The following TMEM184B variants were observed in gnomAD, a reference collection of about 807,000 sequenced individuals.
TMEM184B encodes putative MAPK-activating protein FM08.
TMEM184B carries 17 observed loss-of-function variants against 41.8 expected under a neutral mutation model. The ratio of observed to expected loss-of-function variants is 0.41; its 90% CI spans 0.28 to 0.61. TMEM184B has a LOEUF of 0.61. Ranked by LOEUF, TMEM184B falls within the 20% of genes least tolerant of loss-of-function variation. The probability of loss-of-function intolerance (pLI) is 0.34; values close to 1 mark genes in which losing one functional copy is unlikely to be tolerated. For synonymous variants in TMEM184B, 240 were observed against 229.5 expected, an observed-to-expected ratio of 1.05 and a Z score of -0.41; for missense variants, 393 against 557.8, an observed-to-expected ratio of 0.70 and a Z score of 2.98.
chr22:38,256,418 T>G lies in TMEM184B; in HGVS notation c.-58-8399A>C, dbSNP rs575194509. 4.5e-4 allele frequency among the ~76,000 whole-genome samples: 68 copies of G among 151,994 alleles called. 1 individual carries two copies. The highest frequency in any genetic ancestry group is 2.8e-3 in the Admixed American group (43 of 15,244). The stretch of plus-strand genomic sequence containing the variant: ...TAGTAGAGACAGGTTTTCACCTTAT[T>G]GGCCAGGCTGGTCTCTTGGACAGGG... On this transcript the variant is annotated intron_variant, in intron 1 of 8. Coordinates refer to ENST00000361906, the MANE Select transcript of TMEM184B (RefSeq NM_012264.5).
At position 38,247,741 on chromosome 22, in the gene TMEM184B, T is replaced by G. The variant is rs776544611; in HGVS notation, c.192+29A>C. On this transcript the variant is annotated intron_variant, in intron 2 of 8. Coordinates refer to ENST00000361906, the MANE Select transcript of TMEM184B (RefSeq NM_012264.5). ...TCAGCCAGGAACCTTTCTGGACCTT[T>G]CTAGAGGCCCCTTGCCAGGCTTGGG... The G allele has an allele frequency of 2.9e-5, 47 of 1,596,270 alleles. No individual in the cohort carries two copies. The East Asian group carries it at 8.7e-4, about 30-fold the overall frequency.
At chr22:38,219,175 G>T, downstream of TMEM184B, 1 of 818,938 alleles carries the variant, frequency 1.2e-6, no homozygotes. Flanking sequence ...ATCACTGAAA[G>T]GTTACACACA....
intron 3 of TMEM184B, among the ~76,000 whole-genome samples, chr22:38,243,309 GGAGT>G (rs1159031931): frequency 6.6e-6 from 1 of 152,200 alleles, no homozygotes; most frequent in African/African-American, 2.4e-5. Flanking sequence ...TCTGGGGCAC[GGAGT>G]GAGAGTGAAG....
At chr22:38,230,434 G>A (rs944001385) in intron 5 of TMEM184B, among the ~76,000 whole-genome samples, 1 of 152,220 alleles carries the variant, frequency 6.6e-6, no homozygotes, top group Non-Finnish European at 1.5e-5. Context: ...GCAAGAGTCT[G>A]GGATCAGCTC....
intron 1 of TMEM184B, among the ~76,000 whole-genome samples, chr22:38,267,377 T>A (rs2092458440): frequency 6.6e-6 from 1 of 151,488 alleles, no homozygotes; most frequent in Admixed American, 6.6e-5. Context: ...CTCAAGGCTG[T>A]TTAGTGAGCA....
chr22:38,235,839 G>A (rs1335860896), intron 3 of TMEM184B, among the ~76,000 whole-genome samples: 1 of 152,236 alleles, frequency 6.6e-6, no homozygotes, highest in Non-Finnish European at 1.5e-5. Flanking sequence ...GATGTAAGAA[G>A]AGCGGAGAAG....
intron 1 of TMEM184B, among the ~76,000 whole-genome samples, chr22:38,257,169 A>G (rs940657569): frequency 6.6e-6 from 1 of 152,050 alleles, no homozygotes; most frequent in African/African-American, 2.4e-5. Context: ...TAAAAAGAAA[A>G]AAAAAATCCT....
intron 1 of TMEM184B, among the ~76,000 whole-genome samples, chr22:38,266,278 A>C (rs135718): frequency 0.58 from 87,818 of 152,152 alleles, 25,440 homozygotes; most frequent in South Asian, 0.66. Flanking sequence ...TTTCTCCTTC[A>C]GTCTTCATGG....
chr22:38,227,734 G>GT (rs1345428853), intron 5 of TMEM184B, among the ~76,000 whole-genome samples: 1 of 152,098 alleles, frequency 6.6e-6, no homozygotes, highest in Non-Finnish European at 1.5e-5. Context: ...ACACCACAGG[G>GT]CCACTGCTGC....
In TMEM184B at chr22:38,222,524, G is replaced by T. The variant is rs866962722; in HGVS notation, c.983-814C>A. On this transcript the variant is annotated intron_variant, in intron 8 of 8. Transcript: ENST00000361906. ...CAGGTGCTCTGGGCGCTCCCACCCA[G>T]GGGGTGCCGGTGGGGAGGAGATGAG... is the stretch of plus-strand genomic sequence containing the variant. 1.7e-5 allele frequency: 16 copies of T among 924,446 alleles called. No homozygotes were observed. In the African/African-American group the frequency reaches 2.9e-4, roughly 17 times the overall value. 57.3% of individuals were successfully genotyped at this position (924,446 alleles called of 1,614,324 possible). A position where few individuals can be genotyped will look rare whatever the true frequency, so the allele number is the denominator to read the frequency against.
chr22:38,216,908 T>C (rs186198953), downstream of TMEM184B, among the ~76,000 whole-genome samples: 2 of 152,138 alleles, frequency 1.3e-5, no homozygotes, highest in East Asian at 3.9e-4. Flanking sequence ...TAGCCACATG[T>C]GGTGGTACAC....
chr22:38,253,338 G>A, intron 1 of TMEM184B, among the ~76,000 whole-genome samples: 1 of 152,182 alleles, frequency 6.6e-6, no homozygotes, highest in East Asian at 1.9e-4. Flanking sequence ...GGGAGGCCAA[G>A]GTGGGTGGAT....
chr22:38,225,391 T>G lies in TMEM184B; in HGVS notation c.787+33A>C. ...AGGAAGCGCAGAGGACAGGGTGGCA[T>G]GGGCAGCCTCCAGGTGCTGGGAGGG... On this transcript the variant is annotated intron_variant, in intron 7 of 8. Transcript: ENST00000361906. The surrounding 1 kb of genome is among the most constrained non-coding windows in gnomAD (Gnocchi z 4.4). 1 of 1,530,778 alleles carries G rather than the reference T, an allele frequency of 6.5e-7. No individual in the cohort carries two copies. The highest frequency in any genetic ancestry group is 8.8e-7 in the Non-Finnish European group (1 of 1,142,456). The allele number at this position is 1,530,778 out of a possible 1,614,324, so 94.8% of individuals were successfully genotyped here.
At chr22:38,240,347 G>A (rs184843336) in intron 3 of TMEM184B, among the ~76,000 whole-genome samples, 4 of 151,444 alleles carry the variant, frequency 2.6e-5, no homozygotes, top group African/African-American at 4.9e-5. Flanking sequence ...CATGATAAAG[G>A]AACTAAAACA....
At chr22:38,258,226 GA>G (rs1439300026) in intron 1 of TMEM184B, among the ~76,000 whole-genome samples, 6 of 152,078 alleles carry the variant, frequency 3.9e-5, no homozygotes, top group Admixed American at 1.3e-4. Flanking sequence ...TTCTTAGGGA[GA>G]AAAGTCCAGG....
At chr22:38,249,718 T>G (rs2092120487) in intron 1 of TMEM184B, among the ~76,000 whole-genome samples, 1 of 152,154 alleles carries the variant, frequency 6.6e-6, no homozygotes, top group African/African-American at 2.4e-5. Context: ...GGCAGTCGAT[T>G]TATGGGATTT....
At chr22:38,235,612 G>A (rs1400994344) in intron 3 of TMEM184B, among the ~76,000 whole-genome samples, 1 of 152,098 alleles carries the variant, frequency 6.6e-6, no homozygotes, top group African/African-American at 2.4e-5. Flanking sequence ...TTAGTGAGTC[G>A]ATAATGGACT....
At chr22:38,246,434 AG>A (rs1376464917) in intron 2 of TMEM184B, among the ~76,000 whole-genome samples, 1 of 152,216 alleles carries the variant, frequency 6.6e-6, no homozygotes, top group Non-Finnish European at 1.5e-5. Flanking sequence ...CAAGCTCCCC[AG>A]GGGACCTCAC....
chr22:38,267,008 G>A (rs760347012), intron 1 of TMEM184B, among the ~76,000 whole-genome samples: 57 of 151,990 alleles, frequency 3.8e-4, no homozygotes, highest in Middle Eastern at 3.4e-3. Flanking sequence ...GCTTGAACCC[G>A]GGAAGCGGAG....
Sources: allele counts gnomAD v4.1 joint callset (sites outside exome capture counted in the v4.1 genomes callset), GRCh38; gene constraint gnomAD v4.1.1; non-coding constraint Gnocchi (gnomAD v3.1); transcripts MANE v1.5; gene names NCBI Gene and HGNC (gene_info 2026-07-23, HGNC 2026-07-21).